Variants in EIPR1 observed in about 807,000 individuals in gnomAD.
EIPR1 encodes EARP and GARP complex-interacting protein 1.
EIPR1 carries 25 observed loss-of-function variants against 48.1 expected under a neutral mutation model. That is an observed-to-expected ratio of 0.52 (90% confidence interval 0.38 to 0.73). EIPR1 has a LOEUF of 0.73. EIPR1 is among the 30% of genes least tolerant of loss of function. The pLI is 0.00. For missense variants in EIPR1, 415 were observed against 506.2 expected, an observed-to-expected ratio of 0.82 and a Z score of 1.73; for synonymous variants, 204 against 201.9, an observed-to-expected ratio of 1.01 and a Z score of -0.09.
At chr2:3,255,447 T>G (rs1667124949) in intron 4 of EIPR1, among the ~76,000 whole-genome samples, 1 of 152,222 alleles carries the variant, frequency 6.6e-6, no homozygotes, top group Non-Finnish European at 1.5e-5. Flanking sequence ...CCTCCCAAAG[T>G]GCTGGGATTA....
At chr2:3,375,215 C>T (rs895512143) in intron 1 of EIPR1, among the ~76,000 whole-genome samples, 30 of 118,586 alleles carry the variant, frequency 2.5e-4, no homozygotes, top group African/African-American at 9.7e-4. Flanking sequence ...GAACATCACA[C>T]TCTGGGGACT....
At chr2:3,331,256 C>G (rs548513471) in intron 3 of EIPR1, among the ~76,000 whole-genome samples, 1 of 96,328 alleles carries the variant, frequency 1.0e-5, no homozygotes, top group Admixed American at 9.4e-5. Context: ...TGTGTACACA[C>G]TCATGAGATG....
rs116051046 is a variant in EIPR1, at chr2:3,322,936, T to G, written c.259+15081A>C. On this transcript the variant is annotated intron_variant, in intron 3 of 8. Transcript: ENST00000382125. The stretch of plus-strand genomic sequence containing the variant: ...GAGTGGGTGATCTGGCTGGGATGCC[T>G]TGGCGTACGTGCGAGGTGTCCCTGT... Among the ~76,000 whole-genome samples, 1,102 of 152,318 alleles carry G rather than the reference T, an allele frequency of 7.2e-3. 13 individuals carry two copies. Among genetic ancestry groups the G allele is most frequent in the African/African-American group, 0.026 (1,061 of 41,572 alleles).
intron 4 of EIPR1, among the ~76,000 whole-genome samples, chr2:3,218,977 C>A (rs1665757883): frequency 6.6e-6 from 1 of 151,310 alleles, no homozygotes; most frequent in Non-Finnish European, 1.5e-5. Flanking sequence ...CTGGTATACT[C>A]TAGAGCATTC....
At chr2:3,337,481 G>A (rs911963970) in intron 3 of EIPR1, among the ~76,000 whole-genome samples, 2 of 152,184 alleles carry the variant, frequency 1.3e-5, no homozygotes, top group African/African-American at 4.8e-5. Context: ...CAAACAAGGA[G>A]AACTGGGGAA....
At chr2:3,341,107 AAAAAAAAAAAAAAC>A (rs1308192395) in intron 2 of EIPR1, among the ~76,000 whole-genome samples, 44 of 149,392 alleles carry the variant, frequency 2.9e-4, no homozygotes, top group African/African-American at 9.3e-4. Context: ...AAAAAAAAAA[AAAAAAAAAAAAAAC>A]AAAACAAAAC....
chr2:3,363,109 G>A (rs1670889893), intron 1 of EIPR1, among the ~76,000 whole-genome samples: 1 of 152,088 alleles, frequency 6.6e-6, no homozygotes, highest in African/African-American at 2.4e-5. Context: ...ACACTATGTC[G>A]TCAGCATTCC....
Position 3,210,627 on chromosome 2 carries a change from C to CTTTTT in EIPR1, c.516+3517_516+3521dup, listed in dbSNP as rs56963007. Among the ~76,000 whole-genome samples, 15 of 118,418 alleles carry CTTTTT rather than the reference C, an allele frequency of 1.3e-4. 5 individuals are homozygous for CTTTTT. Among genetic ancestry groups the CTTTTT allele is most frequent in the African/African-American group, 2.2e-4 (7 of 31,698 alleles). The allele number at this position is 118,418 out of a possible 152,430, so 77.7% of individuals were successfully genotyped here. Reference sequence around the variant, plus strand: ...TCTTCTCACTGTTTACCTCCCAATTCTTTTTTTTTTTTTTTTTTTTTGAGA... The same window carrying CTTTTT: ...TCTTCTCACTGTTTACCTCCCAATTCTTTTTTTTTTTTTTTTTTTTTTTTTTGAGA... On this transcript the variant is annotated intron_variant, in intron 5 of 8. Transcript: ENST00000382125.
At chr2:3,192,617 C>A in intron 7 of EIPR1, 36 bp from the exon 8 acceptor site, 1 of 1,601,572 alleles carries the variant, frequency 6.2e-7, no homozygotes, top group South Asian at 1.1e-5. Context: ...AATGAACTGT[C>A]ACCCGCAGGC....
intron 3 of EIPR1, among the ~76,000 whole-genome samples, chr2:3,271,339 G>C (rs866335678): frequency 6.6e-6 from 1 of 152,170 alleles, no homozygotes; most frequent in East Asian, 1.9e-4. Flanking sequence ...ATCTAGAATG[G>C]TGAATCCTTT....
At chr2:3,374,079 T>C (rs1572496362) in intron 1 of EIPR1, among the ~76,000 whole-genome samples, 1 of 143,938 alleles carries the variant, frequency 6.9e-6, no homozygotes, top group Non-Finnish European at 1.6e-5. Context: ...ATGCCGCATA[T>C]CTACAACTAT....
chr2:3,232,972 G>A (rs776165738), intron 4 of EIPR1, among the ~76,000 whole-genome samples: 1 of 152,138 alleles, frequency 6.6e-6, no homozygotes, highest in African/African-American at 2.4e-5. Context: ...GAAGTCTCAC[G>A]TTAAGCTGTA....
chr2:3,211,134 A>G (rs1309796317), intron 5 of EIPR1, among the ~76,000 whole-genome samples: 1 of 152,232 alleles, frequency 6.6e-6, no homozygotes, highest in Admixed American at 6.5e-5. Flanking sequence ...AAGTTTAAAA[A>G]TAAGTAAATA....
intron 4 of EIPR1, among the ~76,000 whole-genome samples, chr2:3,235,405 T>A (rs770233650): frequency 2.8e-5 from 4 of 145,398 alleles, no homozygotes; most frequent in African/African-American, 7.8e-5. Flanking sequence ...AACACAAACA[T>A]GTGTGCATGC....
At chr2:3,218,024 C>T (rs1483867959) in intron 4 of EIPR1, among the ~76,000 whole-genome samples, 6 of 152,214 alleles carry the variant, frequency 3.9e-5, no homozygotes, top group Admixed American at 1.3e-4. Context: ...GCACACCCAA[C>T]ACAGCCCTGG....
At chr2:3,244,954 A>C (rs1666749497) in intron 4 of EIPR1, among the ~76,000 whole-genome samples, 2 of 152,180 alleles carry the variant, frequency 1.3e-5, no homozygotes, top group Non-Finnish European at 2.9e-5. Flanking sequence ...GGGAGATAGG[A>C]ATTTCTCTTG....
chr2:3,269,893 C>T (rs553714494), intron 3 of EIPR1, among the ~76,000 whole-genome samples: 45 of 152,342 alleles, frequency 3.0e-4, no homozygotes, highest in African/African-American at 8.4e-4. Context: ...CTCCCCAGCA[C>T]GCGAATGAAG....
intron 4 of EIPR1, among the ~76,000 whole-genome samples, chr2:3,254,625 T>C (rs1295195563): frequency 1.3e-5 from 2 of 152,238 alleles, no homozygotes; most frequent in Admixed American, 1.3e-4. Context: ...CTGTGGGTGA[T>C]TCCATTTATA....
intron 4 of EIPR1, among the ~76,000 whole-genome samples, chr2:3,247,578 G>C (rs537804191): frequency 2.0e-5 from 3 of 152,130 alleles, no homozygotes; most frequent in Non-Finnish European, 4.4e-5. Flanking sequence ...TCAGGGCTCC[G>C]AAGGGCACTG....
Sources: allele counts gnomAD v4.1 joint callset (sites outside exome capture counted in the v4.1 genomes callset), GRCh38; gene constraint gnomAD v4.1.1; transcripts MANE v1.5; gene names NCBI Gene and HGNC (gene_info 2026-07-23, HGNC 2026-07-21).